Variants in RALYL observed in about 807,000 individuals in gnomAD.
RALYL encodes the protein RNA-binding Raly-like protein.
RALYL carries 29 observed loss-of-function variants against 35.1 expected under a neutral mutation model. That is an observed-to-expected ratio of 0.83 (90% CI 0.61 to 1.13). RALYL has a LOEUF of 1.13. Ranked by LOEUF, RALYL falls within the 50% of genes most tolerant of loss-of-function variation. The probability of loss-of-function intolerance (pLI) is 0.00; values close to 1 mark genes in which losing one functional copy is unlikely to be tolerated. For synonymous variants in RALYL, 120 were observed against 127.6 expected (o/e 0.94, Z 0.40); for missense variants, 359 against 360.4 (o/e 1.00, Z 0.03).
intron 8 of RALYL, among the ~76,000 whole-genome samples, chr8:84,908,795 A>T (rs1846992847): frequency 6.6e-6 from 1 of 151,728 alleles, no homozygotes; most frequent in Non-Finnish European, 1.5e-5. Flanking sequence ...AATCCTGCTG[A>T]TCTGCATTTC....
chr8:84,915,590 T>C (rs150902493), intron 8 of RALYL, among the ~76,000 whole-genome samples: 6 of 152,224 alleles, frequency 3.9e-5, no homozygotes, highest in Non-Finnish European at 8.8e-5. Flanking sequence ...TCATTTGAGA[T>C]AGACAAGACA....
intron 2 of RALYL, among the ~76,000 whole-genome samples, chr8:84,633,044 T>TA (rs1021798734): frequency 2.0e-5 from 3 of 151,920 alleles, no homozygotes; most frequent in Admixed American, 1.3e-4. Flanking sequence ...TTTCTGGCCA[T>TA]AAAATTTGAG....
intron 2 of RALYL, among the ~76,000 whole-genome samples, chr8:84,548,376 A>G (rs2060500692): frequency 6.6e-6 from 1 of 151,984 alleles, no homozygotes; most frequent in Non-Finnish European, 1.5e-5. Context: ...CATTGTAGGG[A>G]CTTTCTTATT....
intron 1 of RALYL, among the ~76,000 whole-genome samples, chr8:84,346,544 T>C (rs558842673): frequency 6.6e-6 from 1 of 151,968 alleles, no homozygotes; most frequent in Admixed American, 6.6e-5. Flanking sequence ...TCTTGGCCAA[T>C]TGCAACCTTC....
At chr8:84,916,447 T>C in intron 8 of RALYL, among the ~76,000 whole-genome samples, 1 of 152,058 alleles carries the variant, frequency 6.6e-6, no homozygotes, top group South Asian at 2.1e-4. Context: ...TGGGAGGTAA[T>C]TGCGTAATGG....
rs186236084 is a variant in RALYL, at chr8:84,545,529, G to T, written c.256+15952G>T. ...AAGGGTTGACAACTTTGTGATATTG[G>T]AACTCTGCAACTAAGTACATAATAT... On this transcript the variant is annotated intron_variant, in intron 2 of 8. Coordinates refer to ENST00000521268, the MANE Select transcript of RALYL (RefSeq NM_173848.7). 5.4e-3 allele frequency among the ~76,000 whole-genome samples: 817 copies of T among 152,158 alleles called. 7 individuals carry two copies. The highest frequency in any genetic ancestry group is 5.7e-3 in the Non-Finnish European group (387 of 67,980).
chr8:84,829,743 C>A (rs1050732316), intron 4 of RALYL, among the ~76,000 whole-genome samples: 13 of 152,126 alleles, frequency 8.5e-5, no homozygotes, highest in African/African-American at 3.1e-4. Flanking sequence ...ACTGAGTTAG[C>A]AAATACTGAA....
At chr8:84,777,912 A>T (rs911607157) in intron 3 of RALYL, among the ~76,000 whole-genome samples, 8 of 152,122 alleles carry the variant, frequency 5.3e-5, no homozygotes, top group African/African-American at 1.7e-4. Flanking sequence ...AAGCGCTGGG[A>T]TTACAGGCGT....
chr8:84,232,738 A>T (rs1010092830), intron 1 of RALYL, among the ~76,000 whole-genome samples: 6 of 152,278 alleles, frequency 3.9e-5, no homozygotes, highest in African/African-American at 1.4e-4. Flanking sequence ...TATGTGTTGT[A>T]TAACAATTTT....
At chr8:84,444,825 G>A (rs1328834372) in intron 1 of RALYL, among the ~76,000 whole-genome samples, 1 of 152,002 alleles carries the variant, frequency 6.6e-6, no homozygotes, top group East Asian at 1.9e-4. Context: ...ATTTTGTTTT[G>A]GCACCTTGAA....
At chr8:84,589,191 C>T (rs1400563118) in intron 2 of RALYL, among the ~76,000 whole-genome samples, 2 of 152,208 alleles carry the variant, frequency 1.3e-5, no homozygotes, top group Non-Finnish European at 2.9e-5. Context: ...AGCCACCACG[C>T]CCGGACTTGT....
At chr8:84,895,804 G>A (rs878970306) in intron 8 of RALYL, among the ~76,000 whole-genome samples, 1 of 152,142 alleles carries the variant, frequency 6.6e-6, no homozygotes, top group Admixed American at 6.5e-5. Flanking sequence ...GAGCCACTGT[G>A]CCAGGCCTGT....
chr8:84,469,223 T>G (rs552895542), intron 1 of RALYL, among the ~76,000 whole-genome samples: 2,422 of 152,124 alleles, frequency 0.016, 60 homozygotes, highest in African/African-American at 0.055. Context: ...GGCTCTCTGC[T>G]TTTTAGAGTT....
intron 2 of RALYL, among the ~76,000 whole-genome samples, chr8:84,720,476 A>T (rs980403392): frequency 2.6e-5 from 4 of 152,268 alleles, no homozygotes; most frequent in African/African-American, 9.6e-5. Flanking sequence ...CTAGACCTCT[A>T]TCCCTCACTG....
At chr8:84,669,544 T>A (rs1006600785) in intron 2 of RALYL, among the ~76,000 whole-genome samples, 5 of 137,120 alleles carry the variant, frequency 3.6e-5, no homozygotes, top group Non-Finnish European at 6.1e-5. Flanking sequence ...TTTATGTCCA[T>A]GTGTGCTCAG....
At chr8:84,230,225 A>G (rs536353805) in intron 1 of RALYL, among the ~76,000 whole-genome samples, 1 of 152,128 alleles carries the variant, frequency 6.6e-6, no homozygotes, top group Non-Finnish European at 1.5e-5. Context: ...AAATTATTTT[A>G]TGGTAGCTAA....
intron 1 of RALYL, among the ~76,000 whole-genome samples, chr8:84,234,370 G>C (rs1433564015): frequency 6.6e-6 from 1 of 152,126 alleles, no homozygotes; most frequent in African/African-American, 2.4e-5. Context: ...AAAATGACAT[G>C]CTTCTTTTTC....
chr8:84,365,172 G>A (rs1853962354), intron 1 of RALYL, among the ~76,000 whole-genome samples: 1 of 152,068 alleles, frequency 6.6e-6, no homozygotes, highest in African/African-American at 2.4e-5. Context: ...TAAATTACTA[G>A]TCAGTTATGT....
chr8:84,569,636 G>A (rs1324720736), intron 2 of RALYL, among the ~76,000 whole-genome samples: 1 of 151,722 alleles, frequency 6.6e-6, no homozygotes, highest in Non-Finnish European at 1.5e-5. Context: ...TTTACTTTTA[G>A]GGTCTTCATT....
Sources: allele counts gnomAD v4.1 joint callset (sites outside exome capture counted in the v4.1 genomes callset), GRCh38; gene constraint gnomAD v4.1.1; transcripts MANE v1.5; gene names NCBI Gene and HGNC (gene_info 2026-07-23, HGNC 2026-07-21).